The following FUNDC1 variants were observed in gnomAD, a reference collection of about 807,000 sequenced individuals.
FUNDC1 encodes the protein FUN14 domain-containing protein 1.
A neutral mutation model predicts 14.5 loss-of-function variants in FUNDC1; 10 were observed. That is an observed-to-expected ratio of 0.69 (90% CI 0.43 to 1.17). The LOEUF (loss-of-function observed/expected upper bound fraction) is 1.17, where lower values mean the gene tolerates loss of function less well. Among genes scored for constraint, FUNDC1 ranks in the 50% most tolerant of loss-of-function variants. FUNDC1 has a pLI of 0.00. For synonymous variants in FUNDC1, 33 were observed against 39.7 expected (o/e 0.83, Z 0.64); for missense variants, 115 against 113.8 (o/e 1.01, Z -0.05).
chrX:44,540,813 T>C (rs1178615651), intron 2 of FUNDC1, among the ~76,000 whole-genome samples: 4 of 112,218 alleles, frequency 3.6e-5, no homozygotes, highest in Non-Finnish European at 5.6e-5. Flanking sequence ...TACCCTGAAT[T>C]ACAGGGCTAG....
intron 4 of FUNDC1, 84 bp downstream of exon 4, chrX:44,527,153 C>G (rs1293756154): frequency 8.6e-6 from 6 of 696,720 alleles, no homozygotes; most frequent in Admixed American, 3.7e-5. Flanking sequence ...AGTAATCCCC[C>G]CCGGTCACAT....
intron 3 of FUNDC1, among the ~76,000 whole-genome samples, chrX:44,534,205 A>C (rs1206402546): frequency 9.0e-6 from 1 of 110,552 alleles, no homozygotes. Context: ...GAAAAAAAAA[A>C]AATTATTAGG....
chrX:44,535,986 TAAA>T (rs778462718), intron 3 of FUNDC1, among the ~76,000 whole-genome samples: 1 of 82,511 alleles, frequency 1.2e-5, no homozygotes. Context: ...AACTCTTGTC[TAAA>T]AAAAAAAAAA....
At chrX:44,526,112 CAAAAAAAACAA>C (rs1569184783) in intron 4 of FUNDC1, among the ~76,000 whole-genome samples, 1 of 33,461 alleles carries the variant, frequency 3.0e-5, no homozygotes. Context: ...AGACCTGTCT[CAAAAAAAACAA>C]AAAAAAAAAA....
At chrX:44,533,989 C>T (rs1159539126) in intron 3 of FUNDC1, among the ~76,000 whole-genome samples, 2 of 107,470 alleles carry the variant, frequency 1.9e-5, no homozygotes, top group Non-Finnish European at 3.8e-5. Context: ...CACCTGAGCC[C>T]GGGAGGTCAA....
intron 3 of FUNDC1, 122 bp from the exon 4 acceptor site, chrX:44,527,487 C>T: frequency 2.2e-6 from 1 of 460,986 alleles, no homozygotes; most frequent in Admixed American, 5.0e-5. Flanking sequence ...TAAGAAATTG[C>T]TTTTTCTCCA....
intron 2 of FUNDC1, among the ~76,000 whole-genome samples, chrX:44,539,570 C>A (rs971733138): frequency 1.8e-5 from 2 of 111,855 alleles, no homozygotes; most frequent in Admixed American, 9.5e-5. Flanking sequence ...AGATTTCTCC[C>A]TCTGAGCCTC....
At chrX:44,539,698 GCT>G (rs748163429) in intron 2 of FUNDC1, among the ~76,000 whole-genome samples, 11 of 111,103 alleles carry the variant, frequency 9.9e-5, no homozygotes, top group Non-Finnish European at 2.1e-4. Context: ...GATGGAGCTC[GCT>G]CTGTCACCCA....
intron 3 of FUNDC1, among the ~76,000 whole-genome samples, chrX:44,532,629 T>C (rs1303422694): frequency 1.9e-5 from 2 of 107,620 alleles, no homozygotes; most frequent in Non-Finnish European, 3.8e-5. Flanking sequence ...CTCGGCTCAC[T>C]GCAACCTCTG....
intron 3 of FUNDC1, 120 bp downstream of exon 3, chrX:44,538,347 T>A (rs2038957079): frequency 1.9e-6 from 1 of 522,870 alleles, no homozygotes; most frequent in Admixed American, 3.3e-5. Context: ...TTTAAATTGT[T>A]ATCTTTCAAG....
chrX:44,538,719 GCA>G (rs1426053833), intron 2 of FUNDC1, among the ~76,000 whole-genome samples, 177 bp from the exon 3 acceptor site: 1 of 111,493 alleles, frequency 9.0e-6, no homozygotes, highest in African/African-American at 3.3e-5. Context: ...AGTCAAAAAT[GCA>G]CAATCTAAAA....
At chrX:44,536,522 G>T (rs2038949888) in intron 3 of FUNDC1, among the ~76,000 whole-genome samples, 1 of 111,022 alleles carries the variant, frequency 9.0e-6, no homozygotes, top group South Asian at 3.8e-4. Context: ...GAGGGAGAGG[G>T]AAGAAAGCAT....
intron 3 of FUNDC1, among the ~76,000 whole-genome samples, chrX:44,532,564 T>C (rs891962072): frequency 9.3e-6 from 1 of 107,428 alleles, no homozygotes; most frequent in African/African-American, 3.4e-5. Flanking sequence ...TATATTTTTT[T>C]TTTTTGAGAC....
intron 3 of FUNDC1, among the ~76,000 whole-genome samples, chrX:44,533,968 C>T (rs959116732): frequency 4.7e-5 from 5 of 107,045 alleles, no homozygotes; most frequent in Non-Finnish European, 9.6e-5. Context: ...GGGAGGCTGG[C>T]GTGAAGAAAT....
chrX:44,542,065 T>C lies in FUNDC1; in HGVS notation c.65A>G (p.Asp22Gly). The change falls in exon 2 of 5, where the codon GAT (aspartate) becomes GGT (glycine). Residue 22 changes from aspartate (D) to glycine (G), a missense_variant. Coordinates refer to ENST00000378045, the MANE Select transcript of FUNDC1 (RefSeq NM_173794.4). ...GTGTCTTCTTGCATACTCAGTTAAA[T>C]CCAACACTTCATAAGAGTCGTCATC... is the stretch of plus-strand genomic sequence containing the variant. ...ESDDDSYEVLDLTEYARRHQW... is the reference protein window; with the variant it reads ...ESDDDSYEVLGLTEYARRHQW... The C allele has an allele frequency of 8.3e-7, 1 of 1,205,030 alleles. No individual in the cohort carries two copies. The highest frequency in any genetic ancestry group is 1.8e-5 in the South Asian group (1 of 56,272).
chrX:44,526,474 A>G (rs1034348705), intron 4 of FUNDC1, among the ~76,000 whole-genome samples: 2 of 89,896 alleles, frequency 2.2e-5, no homozygotes, highest in Non-Finnish European at 2.4e-5. Context: ...CCCACACAGT[A>G]AAAAAATAAA....
At chrX:44,526,966 G>A (rs2038904705) in intron 4 of FUNDC1, among the ~76,000 whole-genome samples, 1 of 109,391 alleles carries the variant, frequency 9.1e-6, no homozygotes, top group Non-Finnish European at 1.9e-5. Flanking sequence ...GAGGAAATAT[G>A]TTGAAAAGAA....
intron 3 of FUNDC1, among the ~76,000 whole-genome samples, chrX:44,531,345 C>A (rs2038924693): frequency 1.3e-5 from 1 of 79,742 alleles, no homozygotes; most frequent in African/African-American, 8.0e-5. Flanking sequence ...CACACACACA[C>A]ACACACACAC....
At chrX:44,536,751 G>A (rs988035819) in intron 3 of FUNDC1, among the ~76,000 whole-genome samples, 1 of 111,621 alleles carries the variant, frequency 9.0e-6, no homozygotes, top group Non-Finnish European at 1.9e-5. Context: ...AATGGGGGTA[G>A]TGAGAGAGGT....
Sources: allele counts gnomAD v4.1 joint callset (sites outside exome capture counted in the v4.1 genomes callset), GRCh38; gene constraint gnomAD v4.1.1; transcripts MANE v1.5; gene names NCBI Gene and HGNC (gene_info 2026-07-23, HGNC 2026-07-21).